CFHR4: variants seen among roughly 807,000 people sequenced by gnomAD.
The protein encoded by CFHR4 is complement factor H related 4.
Under a neutral mutation model 69.3 loss-of-function variants are expected in CFHR4, and 64 were observed. The ratio of observed to expected loss-of-function variants is 0.92; its 90% CI spans 0.76 to 1.14. The LOEUF (loss-of-function observed/expected upper bound fraction) is 1.14. Ranked by LOEUF, CFHR4 falls within the 50% of genes most tolerant of loss-of-function variation. The pLI is 0.00. For missense variants in CFHR4, 636 were observed against 684.9 expected, an observed-to-expected ratio of 0.93 and a Z score of 0.80; for synonymous variants, 244 against 237.0, an observed-to-expected ratio of 1.03 and a Z score of -0.27.
intron 6 of CFHR4, among the ~76,000 whole-genome samples, chr1:196,911,936 T>C (rs1300295033): frequency 6.6e-6 from 1 of 151,442 alleles, no homozygotes; most frequent in African/African-American, 2.4e-5. Flanking sequence ...AAATGCTATA[T>C]TATAAATATG....
At chr1:196,889,118 A>G (rs1203823158) in intron 1 of CFHR4, among the ~76,000 whole-genome samples, 1 of 151,514 alleles carries the variant, frequency 6.6e-6, no homozygotes, top group Non-Finnish European at 1.5e-5. Context: ...AATGTAATGG[A>G]GGATAATATT....
intron 2 of CFHR4, among the ~76,000 whole-genome samples, chr1:196,904,350 G>C (rs1657788649): frequency 6.6e-6 from 1 of 151,384 alleles, no homozygotes; most frequent in Non-Finnish European, 1.5e-5. Context: ...TCTTTAACAT[G>C]ATTTATTTTC....
At chr1:196,895,824 T>C (rs181358200) in intron 1 of CFHR4, among the ~76,000 whole-genome samples, 5 of 151,576 alleles carry the variant, frequency 3.3e-5, no homozygotes, top group African/African-American at 9.7e-5. Flanking sequence ...TATGACATAA[T>C]TTTTTTGTTG....
chr1:196,917,685 T>C (rs764785246), intron 9 of CFHR4, among the ~76,000 whole-genome samples: 2 of 151,462 alleles, frequency 1.3e-5, no homozygotes, highest in African/African-American at 2.4e-5. Flanking sequence ...TGTATGTATG[T>C]ATATATAGAG....
At chr1:196,909,891 C>T (rs1483550367) in intron 5 of CFHR4, among the ~76,000 whole-genome samples, 1 of 151,208 alleles carries the variant, frequency 6.6e-6, no homozygotes, top group Admixed American at 6.6e-5. Flanking sequence ...GTGGCTCACA[C>T]CTGTAATCCC....
chr1:196,895,873 G>T (rs186328880), intron 1 of CFHR4, among the ~76,000 whole-genome samples: 1 of 151,578 alleles, frequency 6.6e-6, no homozygotes, highest in East Asian at 1.9e-4. Flanking sequence ...GTAACAACTG[G>T]AATCAGATTC....
intron 9 of CFHR4, among the ~76,000 whole-genome samples, chr1:196,915,949 G>T (rs540440340): frequency 6.6e-6 from 1 of 151,570 alleles, no homozygotes; most frequent in South Asian, 2.1e-4. Context: ...TACATAGCTG[G>T]TTAACACTGA....
At chr1:196,888,788 A>G (rs2124929275) in intron 1 of CFHR4, among the ~76,000 whole-genome samples, 1 of 151,584 alleles carries the variant, frequency 6.6e-6, no homozygotes, top group South Asian at 2.1e-4. Flanking sequence ...AAAGCAGAAT[A>G]TATACTTAAC....
At chr1:196,907,192 T>G in intron 4 of CFHR4, 124 bp from the exon 5 acceptor site, 1 of 1,218,776 alleles carries the variant, frequency 8.2e-7, no homozygotes, top group East Asian at 2.5e-5. Context: ...AAAAAAAGGT[T>G]GAAAATACAA....
At chr1:196,892,416 G>C (rs574557379) in intron 1 of CFHR4, among the ~76,000 whole-genome samples, 1 of 151,546 alleles carries the variant, frequency 6.6e-6, no homozygotes, top group African/African-American at 2.4e-5. Context: ...TGCCTGTTGT[G>C]TTTGTTTGTT....
Position 196,907,476 on chromosome 1 carries a change from G to A in CFHR4, c.777G>A (p.Trp259Ter), listed in dbSNP as rs1657979802. 6.2e-7 allele frequency: 1 copy of A among 1,611,064 alleles called. No homozygotes were observed. The highest frequency in any genetic ancestry group is 8.5e-7 in the Non-Finnish European group (1 of 1,178,530). The change falls in exon 5 of 10, where the codon TGG becomes TGA. Residue 259 changes from tryptophan (W) to a stop codon, truncating the protein, a stop_gained. Coordinates refer to ENST00000608469, the MANE Select transcript of CFHR4 (RefSeq NM_001201550.3). LOFTEE classifies it high-confidence loss of function. ...ATGTAACATGTAGTAATGGAGACTG[G>A]TCAGAACCACCAAGATGCATATGTA... ...SKYVTCSNGD[W>*]SEPPRCISMK...
intron 1 of CFHR4, among the ~76,000 whole-genome samples, chr1:196,895,132 C>T (rs1657227155): frequency 6.6e-6 from 1 of 151,360 alleles, no homozygotes; most frequent in African/African-American, 2.4e-5. Flanking sequence ...ATTCAAGAGA[C>T]TGAGGCAGGA....
chr1:196,918,113 T>C, intron 9 of CFHR4, 97 bp from the exon 10 acceptor site: 1 of 1,244,886 alleles, frequency 8.0e-7, no homozygotes, highest in Non-Finnish European at 1.1e-6. Context: ...GATTATTTTA[T>C]AATTTTATTT....
Position 196,918,234 on chromosome 1 carries a change from A to G in CFHR4, c.1565A>G (p.Asn522Ser). The G allele has an allele frequency of 6.2e-7, 1 of 1,604,932 alleles. No homozygotes were observed. Among genetic ancestry groups the G allele is most frequent in the Non-Finnish European group, 8.5e-7 (1 of 1,173,824 alleles). Residue 522 changes from asparagine to serine, a missense_variant, in exon 10 of 10, where the codon AAC (asparagine) becomes AGC (serine). Around this residue, in one of 3 missense-constraint regions of CFHR4, gnomAD observed 85 missense variants for 79.0 expected, o/e 1.08. Transcript: ENST00000608469. ...GATCCATGTATAATAACTGAAGAAAACATGAATAAAAATAACATACAGTTA... is the reference window on the plus strand; with the variant it reads ...GATCCATGTATAATAACTGAAGAAAGCATGAATAAAAATAACATACAGTTA... ...CIHPCIITEE[N>S]MNKNNIQLKG...
intron 1 of CFHR4, among the ~76,000 whole-genome samples, chr1:196,899,785 CCTT>C (rs1657498525): frequency 6.6e-6 from 1 of 151,700 alleles, no homozygotes; most frequent in African/African-American, 2.4e-5. Context: ...TCGCAAGTGA[CCTT>C]CTGAAATTTG....
intron 1 of CFHR4, among the ~76,000 whole-genome samples, chr1:196,897,083 A>G (rs377488055): frequency 6.6e-6 from 1 of 151,452 alleles, no homozygotes. Flanking sequence ...CTGAATTCCG[A>G]TGGAAGGGAA....
rs1658338703 is a variant in CFHR4 at position 196,912,633 on chromosome 1, A to C, written c.998-107A>C. ...CCAGTTTTGCTGTTTTCAATTCATTAACAAATGTTTCATTGTTTTGCCATA... is the reference window on the plus strand; with the variant it reads ...CCAGTTTTGCTGTTTTCAATTCATTCACAAATGTTTCATTGTTTTGCCATA... On this transcript the variant is annotated intron_variant, in intron 6 of 9. Transcript: ENST00000608469. The C allele has an allele frequency of 1.1e-5, 14 of 1,267,870 alleles. 1 individual carries two copies. The Middle Eastern group carries it at 1.2e-3, about 107-fold the overall frequency. 78.5% of individuals were successfully genotyped at this position (1,267,870 alleles called of 1,614,324 possible). A position where few individuals can be genotyped will look rare whatever the true frequency, so the allele number is the denominator to read the frequency against.
chr1:196,912,977 A>C, intron 7 of CFHR4, 55 bp downstream of exon 7: 2 of 1,607,670 alleles, frequency 1.2e-6, no homozygotes, highest in Non-Finnish European at 1.7e-6. Flanking sequence ...CCTCTCTTTG[A>C]GATGATAGTG....
chr1:196,914,827 A>T, intron 8 of CFHR4, 129 bp from the exon 9 acceptor site: 1 of 1,496,236 alleles, frequency 6.7e-7, no homozygotes, highest in Non-Finnish European at 8.9e-7. Context: ...AAAAAAAACA[A>T]CGTTGAAAAT....
Sources: gnomAD v4.1 joint callset for allele counts (sites outside exome capture counted in the v4.1 genomes callset) on GRCh38, gnomAD v4.1.1 for gene constraint, gnomAD v4.1.1 regional missense constraint, MANE v1.5 for transcripts, NCBI Gene and HGNC (gene_info 2026-07-23, HGNC 2026-07-21) for gene names.